Variants in DLL3 observed in about 807,000 individuals in gnomAD.
DLL3 encodes delta-like protein 3.
Under a neutral mutation model 55.0 loss-of-function variants are expected in DLL3, and 49 were observed. The observed-to-expected ratio is 0.89, with a 90% CI of 0.71 to 1.13. DLL3 has a LOEUF of 1.13. Among genes scored for constraint, DLL3 ranks in the 50% most tolerant of loss-of-function variants. The probability of loss-of-function intolerance (pLI) is 0.00; values close to 1 mark genes in which losing one functional copy is unlikely to be tolerated. For synonymous variants in DLL3, 421 were observed against 385.2 expected (o/e 1.09, Z -1.09); for missense variants, 962 against 875.5 (o/e 1.10, Z -1.25).
At position 39,507,914 on chromosome 19, in the gene DLL3, G is replaced by A; in HGVS notation, c.1758G>A (p.Glu586=). Residue 586 remains glutamate (E), a splice_region_variant and synonymous_variant, in exon 8 of 9, where the codon GAG becomes GAA. Transcript: ENST00000356433. The stretch of plus-strand genomic sequence containing the variant: ...CTGCTCCTTCCATCTACGCTCGGGA[G>A]GTAGCGACGCCCCTTTTCCCCCCGC... ...VISAPSIYAR[E]A 6.2e-7 allele frequency: 1 copy of A among 1,614,138 alleles called. No homozygotes were observed. The highest frequency in any genetic ancestry group is 1.3e-5 in the African/African-American group (1 of 75,030).
intron 6 of DLL3, 103 bp from the exon 7 acceptor site, chr19:39,506,936 A>G: frequency 7.9e-7 from 1 of 1,260,278 alleles, no homozygotes; most frequent in South Asian, 1.3e-5. Flanking sequence ...TAAGTTAGAG[A>G]GAAAAAGGGG....
intron 6 of DLL3, among the ~76,000 whole-genome samples, chr19:39,506,499 C>G (rs952816540): frequency 6.6e-6 from 1 of 152,014 alleles, no homozygotes; most frequent in African/African-American, 2.4e-5. Context: ...CAGCACCGAC[C>G]AGGACATCTC....
In DLL3 at chr19:39,499,010, G is replaced by C. The variant is rs1171354918; in HGVS notation, c.36G>C (p.Gln12His). ...VSPRMSGLLS[Q>H]TVILALIFLP... Reference sequence around the variant, plus strand: ...CACGGATGTCCGGGCTCCTCTCCCAGACTGTGATCCTAGCGCTCATTTTCC... The same window carrying C: ...CACGGATGTCCGGGCTCCTCTCCCACACTGTGATCCTAGCGCTCATTTTCC... The change falls in exon 1 of 9, where the codon CAG (glutamine) becomes CAC (histidine). Residue 12 changes from glutamine (Q) to histidine (H), a missense_variant. Gln to His is a conservative substitution (Grantham distance 24). Transcript: ENST00000356433. 3 of 1,613,962 alleles carry C rather than the reference G, an allele frequency of 1.9e-6. No individual in the cohort carries two copies. The African/African-American group carries it at 4.0e-5, about 22-fold the overall frequency.
chr19:39,507,057 T>TG lies in DLL3; in HGVS notation c.1115dup (p.His373ProfsTer30). 1 of 1,539,112 alleles carries TG rather than the reference T, an allele frequency of 6.5e-7. No individual in the cohort carries two copies. The highest frequency in any genetic ancestry group is 1.4e-5 in the African/African-American group (1 of 73,352). On this transcript the variant is annotated frameshift_variant, in exon 7 of 9. Transcript: ENST00000356433. LOFTEE classifies it high-confidence loss of function. ...CCCACAGGCGGACTCTGCCTGGACCTGGGCCACGCCCTGCGCTGCCGCTGC... is the reference window on the plus strand; with the variant it reads ...CCCACAGGCGGACTCTGCCTGGACCTGGGGCCACGCCCTGCGCTGCCGCTGC...
Position 39,507,574 on chromosome 19 carries a change from A to G in DLL3, c.1629A>G (p.Ala543=), listed in dbSNP as rs774229336. 15 of 1,609,182 alleles carry G rather than the reference A, an allele frequency of 9.3e-6. No homozygotes were observed. Among genetic ancestry groups the G allele is most frequent in the Non-Finnish European group, 1.2e-5 (14 of 1,178,426 alleles). The change falls in exon 7 of 9, where the codon GCA becomes GCG. Residue 543 remains alanine, a synonymous_variant. Transcript: ENST00000356433. The part of the protein sequence containing the change: ...PEPSVHALPD[A]LNNLRTQEGS... ...CGTCAGTCCACGCACTCCCGGATGC[A>G]CTCAACAACCTAAGGACGCAGGAGG...
rs1280194460 is a variant in DLL3 at position 39,499,309 on chromosome 19, T to A, written c.187T>A (p.Cys63Ser). Residue 63 changes from cysteine to serine, a missense_variant, in exon 2 of 9, where the codon TGC becomes AGC. Coordinates refer to ENST00000356433, the MANE Select transcript of DLL3 (RefSeq NM_203486.3). The part of the protein sequence containing the change: ...RLPCRLFFRV[C>S]LKPGLSEEAA... ...CCCCTGCCGCCTCTTCTTCAGAGTC[T>A]GCCTGAAGCCTGGGCTCTCAGAGGA... 3.9e-6 allele frequency: 6 copies of A among 1,544,920 alleles called. No homozygotes were observed. The highest frequency in any genetic ancestry group is 4.3e-6 in the Non-Finnish European group (5 of 1,149,520).
In DLL3 at chr19:39,499,282, C is replaced by T; in HGVS notation, c.160C>T (p.Leu54Phe). ...CCCGCGGTCCCCCTGCAGCGCCCGG[C>T]TCCCCTGCCGCCTCTTCTTCAGAGT... ...GAPRSPCSAR[L>F]PCRLFFRVCL... Residue 54 changes from leucine (L) to phenylalanine (F), a missense_variant, in exon 2 of 9, where the codon CTC (leucine) becomes TTC (phenylalanine). By Grantham distance (22) the Leu-to-Phe change is conservative (BLOSUM62 0). Transcript: ENST00000356433. 6.5e-7 allele frequency: 1 copy of T among 1,541,550 alleles called. No individual in the cohort carries two copies.
At position 39,499,357 on chromosome 19, in the gene DLL3, C is replaced by G. The variant is rs746365253; in HGVS notation, c.235C>G (p.Leu79Val). Residue 79 changes from leucine to valine, a missense_variant, in exon 2 of 9, where the codon CTG becomes GTG. Transcript: ENST00000356433. ...GGAGGCCGCCGAGTCCCCGTGCGCC[C>G]TGGGCGCGGCGCTGAGTGCGCGCGG... ...SEEAAESPCA[L>V]GAALSARGPV... 2.6e-6 allele frequency: 4 copies of G among 1,557,580 alleles called. No individual in the cohort carries two copies. The highest frequency in any genetic ancestry group is 2.6e-6 in the Non-Finnish European group (3 of 1,157,672).
rs2079617971 is a variant in DLL3, at chr19:39,502,901, G to A, written c.496G>A (p.Gly166Ser). Residue 166 changes from glycine to serine, a missense_variant, in exon 4 of 9, where the codon GGC becomes AGC. Gly to Ser is a moderately conservative substitution (Grantham distance 56). Transcript: ENST00000356433. Reference sequence around the variant, plus strand: ...GTGGGCCCGGGACATTCAGCGCGCAGGCGCCTGGGAGCTGCGCTTCTCGTA... The same window carrying A: ...GTGGGCCCGGGACATTCAGCGCGCAAGCGCCTGGGAGCTGCGCTTCTCGTA... ...GPWARDIQRA[G>S]AWELRFSYRA... The A allele has an allele frequency of 6.9e-7, 1 of 1,442,518 alleles. No homozygotes were observed. The highest frequency in any genetic ancestry group is 9.1e-7 in the Non-Finnish European group (1 of 1,103,162). 89.4% of individuals were successfully genotyped at this position (1,442,518 alleles called of 1,614,324 possible).
At chr19:39,502,678 G>A in intron 3 of DLL3, 137 bp from the exon 4 acceptor site, 4 of 1,118,304 alleles carry the variant, frequency 3.6e-6, no homozygotes, top group Non-Finnish European at 4.6e-6. Flanking sequence ...CTACTCGCGA[G>A]GTCCAAGGAC....
chr19:39,499,264 T>TC lies in DLL3; in HGVS notation c.147dup (p.Cys50LeufsTer51). 1.3e-6 allele frequency: 2 copies of TC among 1,542,592 alleles called. No homozygotes were observed. The highest frequency in any genetic ancestry group is 8.7e-7 in the Non-Finnish European group (1 of 1,148,600). ...GGGTCCAGGCCCTGGGGCCCCGCGG[T>TC]CCCCCTGCAGCGCCCGGCTCCCCTG... On this transcript the variant is annotated frameshift_variant, in exon 2 of 9. Coordinates refer to ENST00000356433, the MANE Select transcript of DLL3 (RefSeq NM_203486.3). LOFTEE classifies it high-confidence loss of function.
At position 39,508,243 on chromosome 19, in the gene DLL3, T is replaced by C; in HGVS notation, c.1759-9T>C. ...CCTCTCTAATGCTTCCTACTCATTTTGTTTCTAGGCCTGACGCGTCTCCTC... is the reference window on the plus strand; with the variant it reads ...CCTCTCTAATGCTTCCTACTCATTTCGTTTCTAGGCCTGACGCGTCTCCTC... On this transcript the variant is annotated splice_polypyrimidine_tract_variant and intron_variant, in intron 8 of 8. Coordinates refer to ENST00000356433, the MANE Select transcript of DLL3 (RefSeq NM_203486.3). 3.7e-6 allele frequency: 6 copies of C among 1,614,046 alleles called. No individual in the cohort carries two copies. The highest frequency in any genetic ancestry group is 5.1e-6 in the Non-Finnish European group (6 of 1,180,026).
At chr19:39,501,097 T>G (rs1024946968) in intron 3 of DLL3, among the ~76,000 whole-genome samples, 1 of 152,056 alleles carries the variant, frequency 6.6e-6, no homozygotes, top group Non-Finnish European at 1.5e-5. Flanking sequence ...CCTTCTGGGT[T>G]CAAGCAATTC....
At chr19:39,505,511 G>A in intron 6 of DLL3, 60 bp downstream of exon 6, 1 of 1,583,742 alleles carries the variant, frequency 6.3e-7, no homozygotes, top group Non-Finnish European at 8.6e-7. Context: ...GGCTCAGACA[G>A]TCCAGGGTTG....
intron 6 of DLL3, 148 bp from the exon 7 acceptor site, chr19:39,506,891 C>T: frequency 2.7e-6 from 2 of 731,956 alleles, no homozygotes; most frequent in Admixed American, 3.4e-5. Flanking sequence ...GAAAAGCGAG[C>T]TGGCTTTCCT....
At position 39,507,522 on chromosome 19, in the gene DLL3, C is replaced by T. The variant is rs2079651203; in HGVS notation, c.1577C>T (p.Ser526Phe). 6 of 1,603,316 alleles carry T rather than the reference C, an allele frequency of 3.7e-6. No homozygotes were observed. In the South Asian group the frequency reaches 5.6e-5, roughly 15 times the overall value. ...CGTGGCCACTCCCAGGATGCTGGGT[C>T]TCGCTTGCTGGCTGGGACCCCGGAG... is the stretch of plus-strand genomic sequence containing the variant. ...RRRGHSQDAGSRLLAGTPEPS... is the reference protein window; with the variant it reads ...RRRGHSQDAGFRLLAGTPEPS... Residue 526 changes from serine (S) to phenylalanine (F), a missense_variant, in exon 7 of 9, where the codon TCT becomes TTT. Ser to Phe is a radical substitution (Grantham distance 155). Transcript: ENST00000356433.
rs756788459 is a variant in DLL3, at chr19:39,507,415, C to A, written c.1470C>A (p.Arg490=). ...GCCTCAGGCCCGGGGACCCTCAGCGCTACCTTTTGCCTCCGGCTCTGGGAC... is the reference window on the plus strand; with the variant it reads ...GCCTCAGGCCCGGGGACCCTCAGCGATACCTTTTGCCTCCGGCTCTGGGAC... ...PPGLRPGDPQ[R]YLLPPALGLL... Residue 490 remains arginine, a synonymous_variant, in exon 7 of 9, where the codon CGC becomes CGA. Transcript: ENST00000356433. The A allele has an allele frequency of 8.8e-6, 14 of 1,589,812 alleles. No individual in the cohort carries two copies. In the Admixed American group the frequency reaches 1.6e-4, roughly 18 times the overall value.
At position 39,507,685 on chromosome 19, in the gene DLL3, G is replaced by C. The variant is rs569870934; in HGVS notation, c.1673+67G>C. 6.9e-6 allele frequency: 11 copies of C among 1,587,810 alleles called. No individual in the cohort carries two copies. The Admixed American group carries it at 1.6e-4, about 23-fold the overall frequency. ...TGCTTTTACCCATCTCCGTGGTGCA[G>C]TTGGCCCGATTCCTTGATGCATTTC... is the stretch of plus-strand genomic sequence containing the variant. On this transcript the variant is annotated intron_variant, in intron 7 of 8. Transcript: ENST00000356433.
intron 3 of DLL3, among the ~76,000 whole-genome samples, chr19:39,501,090 T>A (rs959837180): frequency 2.0e-5 from 3 of 151,894 alleles, no homozygotes; most frequent in African/African-American, 7.3e-5. Flanking sequence ...ACCTCTGCCT[T>A]CTGGGTTCAA....
Sources: gnomAD v4.1 joint callset for allele counts (sites outside exome capture counted in the v4.1 genomes callset) on GRCh38, gnomAD v4.1.1 for gene constraint, MANE v1.5 for transcripts, NCBI Gene and HGNC (gene_info 2026-07-23, HGNC 2026-07-21) for gene names.